ZFHX3: variants seen among roughly 807,000 people sequenced by gnomAD.
ZFHX3 encodes the protein zinc finger homeobox protein 3.
A neutral mutation model predicts 279.1 loss-of-function variants in ZFHX3; 42 were observed. That is an observed-to-expected ratio of 0.15 (90% CI 0.12 to 0.19). The LOEUF (loss-of-function observed/expected upper bound fraction) is 0.19. Ranked by LOEUF, ZFHX3 falls within the 10% of genes least tolerant of loss-of-function variation. ZFHX3 has a pLI of 1.00. For missense variants in ZFHX3, 4,981 were observed against 4,754.0 expected (o/e 1.05, Z -1.40); for synonymous variants, 2,293 against 1,957.8 (o/e 1.17, Z -4.52).
At chr16:73,807,220 A>G (rs866904929) in intron 1 of ZFHX3, among the ~76,000 whole-genome samples, 4 of 152,130 alleles carry the variant, frequency 2.6e-5, no homozygotes, top group Non-Finnish European at 4.4e-5. Context: ...GTGTGAATAC[A>G]TCATTTTTCA....
At chr16:72,870,447 C>T (rs1340643196) in intron 4 of ZFHX3, among the ~76,000 whole-genome samples, 1 of 149,688 alleles carries the variant, frequency 6.7e-6, no homozygotes, top group African/African-American at 2.5e-5. Flanking sequence ...CGGTGGCTCA[C>T]GCCTGTAATC....
At chr16:73,509,740 G>A (rs1483911686) in intron 2 of ZFHX3, among the ~76,000 whole-genome samples, 3 of 146,296 alleles carry the variant, frequency 2.1e-5, no homozygotes, top group Non-Finnish European at 4.5e-5. Flanking sequence ...CTGTTGCCCA[G>A]GCTGGAGTGC....
Position 72,933,200 on chromosome 16 carries a change from C to T in ZFHX3, c.3216+17269G>A, listed in dbSNP as rs181388732. Among the ~76,000 whole-genome samples, 383 of 152,258 alleles carry T rather than the reference C, an allele frequency of 2.5e-3. 2 individuals are homozygous for T. The highest frequency in any genetic ancestry group is 4.6e-3 in the Admixed American group (71 of 15,296). On this transcript the variant is annotated intron_variant, in intron 3 of 9. Coordinates refer to ENST00000268489, the MANE Select transcript of ZFHX3 (RefSeq NM_006885.4). Reference sequence around the variant, plus strand: ...ATGGCCTCTCCCGCAGTAGCTTGAGCGCTCTTAACCAGGTATGTTACTACC... The same window carrying T: ...ATGGCCTCTCCCGCAGTAGCTTGAGTGCTCTTAACCAGGTATGTTACTACC...
intron 3 of ZFHX3, among the ~76,000 whole-genome samples, chr16:73,354,156 C>G (rs1052924724): frequency 6.6e-6 from 1 of 152,180 alleles, no homozygotes; most frequent in Admixed American, 6.5e-5. Flanking sequence ...CACGCACTTA[C>G]ACTAAAACTA....
intron 4 of ZFHX3, among the ~76,000 whole-genome samples, chr16:72,880,132 G>C (rs1366565430): frequency 6.6e-6 from 1 of 152,160 alleles, no homozygotes; most frequent in Non-Finnish European, 1.5e-5. Context: ...GGCGCTGACA[G>C]TTCTGTCCGA....
At chr16:72,874,652 G>A (rs2038260919) in intron 4 of ZFHX3, among the ~76,000 whole-genome samples, 1 of 151,752 alleles carries the variant, frequency 6.6e-6, no homozygotes, top group Admixed American at 6.6e-5. Context: ...CTTATATAAG[G>A]AAAAATGAAA....
intron 3 of ZFHX3, among the ~76,000 whole-genome samples, chr16:73,338,299 A>G (rs1326306131): frequency 6.6e-6 from 1 of 152,012 alleles, no homozygotes; most frequent in Non-Finnish European, 1.5e-5. Flanking sequence ...CACCACACAC[A>G]CTACTGACAG....
intron 2 of ZFHX3, among the ~76,000 whole-genome samples, chr16:73,573,867 C>T (rs1564435): frequency 2.6e-5 from 4 of 152,076 alleles, no homozygotes; most frequent in South Asian, 4.2e-4. Context: ...ATAAAATTTA[C>T]GTATAGCTTT....
At chr16:73,730,376 GAAAA>G (rs1352379692) in intron 1 of ZFHX3, among the ~76,000 whole-genome samples, 13 of 85,082 alleles carry the variant, frequency 1.5e-4, no homozygotes, top group South Asian at 7.7e-4. Context: ...AAAAAAAAAA[GAAAA>G]AGAGAGAGAA....
intron 2 of ZFHX3, among the ~76,000 whole-genome samples, chr16:73,558,679 C>G (rs796679692): frequency 1.7e-4 from 26 of 151,952 alleles, no homozygotes; most frequent in African/African-American, 5.5e-4. Flanking sequence ...GCCCCTCCCC[C>G]CACACGCACA....
At chr16:73,327,256 G>A (rs1010344222) in intron 3 of ZFHX3, among the ~76,000 whole-genome samples, 5 of 152,192 alleles carry the variant, frequency 3.3e-5, no homozygotes, top group African/African-American at 9.7e-5. Flanking sequence ...TGGCATGTGA[G>A]CTGATTTTAA....
intron 4 of ZFHX3, among the ~76,000 whole-genome samples, chr16:72,859,015 A>T (rs1463870955): frequency 1.3e-5 from 2 of 152,240 alleles, no homozygotes; most frequent in African/African-American, 2.4e-5. Flanking sequence ...CGGACTGGCC[A>T]GCACGGGGTA....
intron 3 of ZFHX3, among the ~76,000 whole-genome samples, chr16:72,949,296 C>A (rs1427764284): frequency 6.6e-6 from 1 of 151,908 alleles, no homozygotes; most frequent in Admixed American, 6.6e-5. Flanking sequence ...CCCAAAGACG[C>A]GAGAAACAGT....
chr16:73,623,963 T>G (rs778467361), intron 2 of ZFHX3, among the ~76,000 whole-genome samples: 2 of 152,252 alleles, frequency 1.3e-5, no homozygotes, highest in African/African-American at 4.8e-5. Context: ...TTGGGCTCAT[T>G]TGAAACATTC....
intron 2 of ZFHX3, among the ~76,000 whole-genome samples, chr16:73,538,474 A>G (rs533945793): frequency 1.3e-5 from 2 of 152,304 alleles, no homozygotes; most frequent in South Asian, 4.1e-4. Context: ...AAGCTTCAAT[A>G]TTTATTTCTA....
intron 3 of ZFHX3, among the ~76,000 whole-genome samples, chr16:73,392,176 T>A (rs1456391118): frequency 6.6e-6 from 1 of 151,882 alleles, no homozygotes; most frequent in Non-Finnish European, 1.5e-5. Context: ...TCCCAGCACT[T>A]TGGGAGGCTG....
intron 2 of ZFHX3, among the ~76,000 whole-genome samples, chr16:73,599,053 G>T (rs940362289): frequency 1.3e-5 from 2 of 152,174 alleles, no homozygotes; most frequent in African/African-American, 4.8e-5. Flanking sequence ...GAGCCACCAC[G>T]CCCGGCCTTT....
intron 5 of ZFHX3, among the ~76,000 whole-genome samples, chr16:73,195,746 T>C (rs1968132128): frequency 6.6e-6 from 1 of 151,908 alleles, no homozygotes; most frequent in Non-Finnish European, 1.5e-5. Flanking sequence ...CCAATTTAAG[T>C]GGCTAGAAAG....
chr16:72,788,835 A>T lies in ZFHX3; in HGVS notation c.9441T>A (p.Pro3147=). The change falls in exon 10 of 10, where the codon CCT becomes CCA. Residue 3147 remains proline, a synonymous_variant. Coordinates refer to ENST00000268489, the MANE Select transcript of ZFHX3 (RefSeq NM_006885.4). ...TGGGCAGACCCATCAAGTTCGGCTT[A>T]GGAGACGTTAAAGCTGAAAGGAATG... ...FTPSNTALTS[P]KPNLMGLPST... 4.6e-6 allele frequency: 7 copies of T among 1,521,182 alleles called. No individual in the cohort carries two copies. Among genetic ancestry groups the T allele is most frequent in the Non-Finnish European group, 6.2e-6 (7 of 1,137,318 alleles). 94.2% of individuals were successfully genotyped at this position (1,521,182 alleles called of 1,614,324 possible). A position where few individuals can be genotyped will look rare whatever the true frequency, so the allele number is the denominator to read the frequency against.
Sources: allele counts gnomAD v4.1 joint callset (sites outside exome capture counted in the v4.1 genomes callset), GRCh38; gene constraint gnomAD v4.1.1; transcripts MANE v1.5; gene names NCBI Gene and HGNC (gene_info 2026-07-23, HGNC 2026-07-21).